USH2A: variants seen among roughly 807,000 people sequenced by gnomAD.
The protein encoded by USH2A is Usher syndrome 2A (autosomal recessive, mild).
Under a neutral mutation model 538.9 loss-of-function variants are expected in USH2A, and 443 were observed. That is an observed-to-expected ratio of 0.82 (90% CI 0.76 to 0.89). The LOEUF (loss-of-function observed/expected upper bound fraction) is 0.89. Ranked by LOEUF, USH2A falls within the 40% of genes least tolerant of loss-of-function variation. USH2A has a pLI of 0.00. For missense variants in USH2A, 6,633 were observed against 6,324.8 expected (o/e 1.05, Z -1.65); for synonymous variants, 2,413 against 2,273.5 (o/e 1.06, Z -1.75).
At chr1:215,668,774 T>C (rs1202456514) in intron 64 of USH2A, among the ~76,000 whole-genome samples, 1 of 152,228 alleles carries the variant, frequency 6.6e-6, no homozygotes, top group East Asian at 1.9e-4. Context: ...CTCATGCCTG[T>C]AATCCCAGCA....
At chr1:215,846,927 AGGACT>A (rs1332503781) in intron 44 of USH2A, among the ~76,000 whole-genome samples, 1 of 152,190 alleles carries the variant, frequency 6.6e-6, no homozygotes, top group African/African-American at 2.4e-5. Flanking sequence ...GCTCCCCTTA[AGGACT>A]GGCTCAGGAT....
intron 32 of USH2A, among the ~76,000 whole-genome samples, chr1:216,038,153 T>C (rs1274209823): frequency 6.6e-6 from 1 of 152,064 alleles, no homozygotes; most frequent in Non-Finnish European, 1.5e-5. Context: ...AATACTGTCT[T>C]GTTCCTTGTC....
chr1:215,888,701 G>A lies in USH2A; in HGVS notation c.7948C>T (p.Pro2650Ser), dbSNP rs1171747337. ...VIISWQPPTH[P>S]NGLVENFTIE... is the part of the protein sequence containing the mutation. ...GTGAAATTCTCCACCAAGCCATTGG[G>A]GTGGGTAGGGGGTTGCCAAGATATA... is the stretch of plus-strand genomic sequence containing the variant. Residue 2650 changes from proline (P) to serine (S), a missense_variant, in exon 41 of 72, where the codon CCC (proline) becomes TCC (serine). Pro to Ser is a moderately conservative substitution (Grantham distance 74). Coordinates refer to ENST00000307340, the MANE Select transcript of USH2A (RefSeq NM_206933.4). 6.2e-6 allele frequency: 10 copies of A among 1,614,120 alleles called. No individual in the cohort carries two copies. The highest frequency in any genetic ancestry group is 8.5e-6 in the Non-Finnish European group (10 of 1,179,998).
intron 36 of USH2A, among the ~76,000 whole-genome samples, chr1:215,969,548 C>CTTTTTT (rs1203543611): frequency 7.0e-6 from 1 of 143,242 alleles, no homozygotes; most frequent in Non-Finnish European, 1.5e-5. Flanking sequence ...GTTTCTTTTT[C>CTTTTTT]TTTTTTTTTT....
intron 60 of USH2A, among the ~76,000 whole-genome samples, chr1:215,736,058 A>C (rs903235206): frequency 1.5e-4 from 22 of 151,420 alleles, no homozygotes; most frequent in Admixed American, 1.2e-3. Flanking sequence ...TAAGTGTTAG[A>C]GCCAGGCCCT....
At chr1:215,679,385 G>C (rs529733200) in intron 62 of USH2A, among the ~76,000 whole-genome samples, 1 of 152,210 alleles carries the variant, frequency 6.6e-6, no homozygotes, top group East Asian at 1.9e-4. Flanking sequence ...TGCAGTCCCA[G>C]CCCGCAGAAG....
chr1:215,926,600 C>T (rs1181509892), intron 38 of USH2A, among the ~76,000 whole-genome samples: 2 of 126,206 alleles, frequency 1.6e-5, no homozygotes, highest in Non-Finnish European at 3.3e-5. Context: ...TAGACACTTG[C>T]TTTACCTACC....
At chr1:215,687,369 G>GA (rs1553253494) in intron 61 of USH2A, among the ~76,000 whole-genome samples, 2 of 147,404 alleles carry the variant, frequency 1.4e-5, no homozygotes, top group South Asian at 4.2e-4. Context: ...AAGGGAGAAG[G>GA]TTTTTTTTTT....
At chr1:216,099,791 T>A in intron 21 of USH2A, among the ~76,000 whole-genome samples, 1 of 152,104 alleles carries the variant, frequency 6.6e-6, no homozygotes, top group East Asian at 1.9e-4. Flanking sequence ...AAATGTCAGA[T>A]AAGGAAGGAA....
At chr1:215,913,751 A>G (rs572653155) in intron 38 of USH2A, among the ~76,000 whole-genome samples, 56 of 151,748 alleles carry the variant, frequency 3.7e-4, no homozygotes, top group African/African-American at 1.4e-3. Flanking sequence ...TTTTTTTTCC[A>G]TAAAAGTTGA....
intron 58 of USH2A, among the ~76,000 whole-genome samples, chr1:215,745,608 C>T (rs116596629): frequency 0.012 from 1,853 of 152,244 alleles, 39 homozygotes; most frequent in African/African-American, 0.042. Context: ...ACCCTCAAGA[C>T]AATACTGCAT....
In USH2A at chr1:216,083,475, TC is replaced by T. The variant is rs754374132; in HGVS notation, c.5278del (p.Asp1760MetfsTer10). Reference sequence around the variant, plus strand: ...ACATACAGCAAGAAAATCAGGTCCATCTTTGTTATAAACGAAAAGAAGCAAT... The same window carrying T: ...ACATACAGCAAGAAAATCAGGTCCATTTTGTTATAAACGAAAAGAAGCAAT... ...NGLLLFVYNK[D>X]GPDFLAMELK... On this transcript the variant is annotated frameshift_variant, in exon 26 of 72. Transcript: ENST00000307340. LOFTEE classifies it high-confidence loss of function. 6 of 1,611,956 alleles carry T rather than the reference TC, an allele frequency of 3.7e-6. No homozygotes were observed. In the Admixed American group the frequency reaches 1.0e-4, roughly 27 times the overall value.
intron 30 of USH2A, among the ~76,000 whole-genome samples, chr1:216,059,225 A>G (rs568659168): frequency 6.6e-6 from 1 of 152,172 alleles, no homozygotes; most frequent in Non-Finnish European, 1.5e-5. Flanking sequence ...AATCTTACTG[A>G]TGATACTCTG....
chr1:216,350,129 C>A (rs959000237), intron 4 of USH2A, among the ~76,000 whole-genome samples: 6 of 152,000 alleles, frequency 3.9e-5, no homozygotes, highest in Non-Finnish European at 8.8e-5. Flanking sequence ...TTTAAAATAA[C>A]CAGATCTTGT....
intron 21 of USH2A, among the ~76,000 whole-genome samples, chr1:216,126,027 T>A (rs2033245075): frequency 6.6e-6 from 1 of 152,244 alleles, no homozygotes; most frequent in African/African-American, 2.4e-5. Flanking sequence ...TGTGTTTTAA[T>A]GCCTTTTCCC....
chr1:216,068,459 C>CTGTTTTGAG (rs1267408214), intron 30 of USH2A, among the ~76,000 whole-genome samples: 1 of 152,146 alleles, frequency 6.6e-6, no homozygotes, highest in African/African-American at 2.4e-5. Context: ...ACTGCTGAGC[C>CTGTTTTGAG]ACACTGCAGA....
At chr1:216,000,947 C>A (rs60045875) in intron 32 of USH2A, among the ~76,000 whole-genome samples, 5,519 of 152,112 alleles carry the variant, frequency 0.036, 334 homozygotes, top group African/African-American at 0.13. Flanking sequence ...TTTGAAATGC[C>A]AATACATAGC....
In USH2A at chr1:215,773,569, C is replaced by T. The variant is rs114498786; in HGVS notation, c.10939+6274G>A. On this transcript the variant is annotated intron_variant, in intron 55 of 71. Transcript: ENST00000307340. ...CTCTCTCTCACAAGGAGCTGCTCTC[C>T]TCTCTCCTTTCTTCTATTAAACTTT... Among the ~76,000 whole-genome samples, 1,054 of 151,306 alleles carry T rather than the reference C, an allele frequency of 7.0e-3. 8 individuals are homozygous for T. Among genetic ancestry groups the T allele is most frequent in the Middle Eastern group, 0.014 (4 of 292 alleles).
At chr1:216,060,465 A>G (rs1407112602) in intron 30 of USH2A, among the ~76,000 whole-genome samples, 3 of 152,200 alleles carry the variant, frequency 2.0e-5, no homozygotes, top group African/African-American at 4.8e-5. Context: ...CTATATTATT[A>G]TTTGTGTTAT....
Sources: gnomAD v4.1 joint callset for allele counts (sites outside exome capture counted in the v4.1 genomes callset) on GRCh38, gnomAD v4.1.1 for gene constraint, MANE v1.5 for transcripts, NCBI Gene and HGNC (gene_info 2026-07-23, HGNC 2026-07-21) for gene names.